KLK5: variants seen among roughly 807,000 people sequenced by gnomAD.
KLK5 encodes kallikrein-5.
KLK5 carries 18 observed loss-of-function variants against 24.0 expected under a neutral mutation model. That is an observed-to-expected ratio of 0.75 (90% CI 0.52 to 1.11). The LOEUF is 1.11. KLK5 is among the 50% of genes most tolerant of loss of function. The probability of loss-of-function intolerance (pLI) is 0.00; values close to 1 mark genes in which losing one functional copy is unlikely to be tolerated. For missense variants in KLK5, 374 were observed against 379.2 expected, an observed-to-expected ratio of 0.99 and a Z score of 0.11; for synonymous variants, 140 against 154.0, an observed-to-expected ratio of 0.91 and a Z score of 0.67.
At position 50,947,660 on chromosome 19, in the gene KLK5, AG is replaced by A. The variant is rs772190310; in HGVS notation, c.726+979del. ...ATATTCTCTTGTAAAAATACCTACCAGATTTCTCTTTTCCTTCCTCAAGATA... is the reference window on the plus strand; with the variant it reads ...ATATTCTCTTGTAAAAATACCTACCAATTTCTCTTTTCCTTCCTCAAGATA... On this transcript the variant is annotated intron_variant, in intron 5 of 5. Coordinates refer to ENST00000336334, the MANE Select transcript of KLK5 (RefSeq NM_012427.5). The surrounding 1 kb of genome is among the most constrained non-coding windows in gnomAD (Gnocchi z 8.7). Among the ~76,000 whole-genome samples the A allele has an allele frequency of 1.3e-4, 10 of 75,760 alleles. No homozygotes were observed. The highest frequency in any genetic ancestry group is 4.0e-4 in the South Asian group (1 of 2,470). The allele number at this position is 75,760 out of a possible 152,430, so 49.7% of individuals were successfully genotyped here. A position where few individuals can be genotyped will look rare whatever the true frequency, so the allele number is the denominator to read the frequency against.
chr19:50,952,431 C>T (rs187778790), intron 2 of KLK5, among the ~76,000 whole-genome samples, 154 bp downstream of exon 2: 11 of 152,252 alleles, frequency 7.2e-5, no homozygotes, highest in Admixed American at 1.3e-4. Flanking sequence ...GGGCCACATA[C>T]GATCGCACAA....
chr19:50,947,499 G>A lies in KLK5; in HGVS notation c.726+1141C>T, dbSNP rs1015410077. Among the ~76,000 whole-genome samples, 1 of 152,086 alleles carries A rather than the reference G, an allele frequency of 6.6e-6. No individual in the cohort carries two copies. Among genetic ancestry groups the A allele is most frequent in the Non-Finnish European group, 1.5e-5 (1 of 68,008 alleles). On this transcript the variant is annotated intron_variant, in intron 5 of 5. Coordinates refer to ENST00000336334, the MANE Select transcript of KLK5 (RefSeq NM_012427.5). This position sits in a 1 kb window ranked among gnomAD's most constrained non-coding sequence, Gnocchi z 8.7. The stretch of plus-strand genomic sequence containing the variant: ...TTATTGTTTACTATCCTAAAACCAT[G>A]TTTTATTTTGGGGTTAACCTTTACC...
In KLK5 at chr19:50,950,104, G is replaced by T; in HGVS notation, c.86C>A (p.Ala29Asp). ...LLLGVTEHVL[A>D]NNDVSCDHPS... ...GTGGTCACAGGAAACATCATTGTTG[G>T]CGAGAACATGCTCTGGGAACGGAAA... The change falls in exon 3 of 6, where the codon GCC (alanine) becomes GAC (aspartate). Residue 29 changes from alanine (A) to aspartate (D), a missense_variant. Physicochemically the swap from Ala to Asp is moderately radical, Grantham distance 126. Transcript: ENST00000336334. 1 of 1,609,232 alleles carries T rather than the reference G, an allele frequency of 6.2e-7. No individual in the cohort carries two copies.
chr19:50,944,667 G>T (rs2090615510), intron 5 of KLK5, among the ~76,000 whole-genome samples: 1 of 152,196 alleles, frequency 6.6e-6, no homozygotes, highest in African/African-American at 2.4e-5. Flanking sequence ...ATAATGGTTT[G>T]TTGTGGAGGC....
chr19:50,945,032 CCTTT>C (rs200606133), intron 5 of KLK5, among the ~76,000 whole-genome samples: 1,627 of 141,788 alleles, frequency 0.011, 33 homozygotes, highest in African/African-American at 0.042. Context: ...TTCCTTCCTT[CCTTT>C]CTTTCTCCTT....
intron 4 of KLK5, 35 bp downstream of exon 4, chr19:50,948,824 G>C: frequency 6.2e-7 from 1 of 1,614,076 alleles, no homozygotes; most frequent in Non-Finnish European, 8.5e-7. Context: ...AGGCGGCAGA[G>C]ATGGGTCGGT....
intron 5 of KLK5, among the ~76,000 whole-genome samples, chr19:50,946,669 C>T (rs2090638188): frequency 6.6e-6 from 1 of 151,994 alleles, no homozygotes; most frequent in Non-Finnish European, 1.5e-5. Context: ...AGGCCATTCT[C>T]CTGCCTCAGC....
In KLK5 at chr19:50,952,854, C is replaced by A. The variant is rs1410532067; in HGVS notation, c.-119G>T. ...AGATAGGAGTCTAGCAGCCTCCAGA[C>A]AGGGCAAGGAGGGGACAGAGAAAGA... On this transcript the variant is annotated 5_prime_UTR_variant, in exon 1 of 6. Transcript: ENST00000336334. 1.6e-5 allele frequency: 7 copies of A among 444,152 alleles called. No individual in the cohort carries two copies. Among genetic ancestry groups the A allele is most frequent in the Non-Finnish European group, 2.4e-5 (6 of 251,748 alleles). 27.5% of individuals were successfully genotyped at this position (444,152 alleles called of 1,614,324 possible). A position where few individuals can be genotyped will look rare whatever the true frequency, so the allele number is the denominator to read the frequency against.
Position 50,952,800 on chromosome 19 carries a change from G to A in KLK5, c.-65C>T, listed in dbSNP as rs764800339. ...AAGGACGGGCCACCATCGGCACTGC[G>A]CTGAGACCCAGGCACTATAGAATTC... On this transcript the variant is annotated 5_prime_UTR_variant, in exon 1 of 6. Coordinates refer to ENST00000336334, the MANE Select transcript of KLK5 (RefSeq NM_012427.5). 3.6e-6 allele frequency: 2 copies of A among 548,580 alleles called. No homozygotes were observed. Among genetic ancestry groups the A allele is most frequent in the Non-Finnish European group, 6.3e-6 (2 of 315,320 alleles). 34.0% of individuals were successfully genotyped at this position (548,580 alleles called of 1,614,324 possible). A position where few individuals can be genotyped will look rare whatever the true frequency, so the allele number is the denominator to read the frequency against.
At position 50,948,672 on chromosome 19, in the gene KLK5, C is replaced by T. The variant is rs772578038; in HGVS notation, c.694G>A (p.Ala232Thr). ...GAGTCTCTACCTGCTTTGTCACCGG[C>T]GCAGAACATGGTGTCATCTATCTGT... ...PRQIDDTMFC[A>T]GDKAGRDSCQ... The change falls in exon 5 of 6, where the codon GCC becomes ACC. Residue 232 changes from alanine (A) to threonine (T), a missense_variant. Transcript: ENST00000336334. 8 of 1,613,980 alleles carry T rather than the reference C, an allele frequency of 5.0e-6. No individual in the cohort carries two copies. The highest frequency in any genetic ancestry group is 1.3e-5 in the African/African-American group (1 of 74,910).
In KLK5 at chr19:50,943,797, G is replaced by T; in HGVS notation, c.727-11C>A. The T allele has an allele frequency of 6.2e-7, 1 of 1,606,598 alleles. No individual in the cohort carries two copies. Among genetic ancestry groups the T allele is most frequent in the South Asian group, 1.1e-5 (1 of 90,454 alleles). On this transcript the variant is annotated splice_polypyrimidine_tract_variant and intron_variant, in intron 5 of 5. Transcript: ENST00000336334. The stretch of plus-strand genomic sequence containing the variant: ...CCCCCCAGAATCACCCTGCAGGAGA[G>T]AAAGGGGGGCATGAGAGAGGCAGAG...
At position 50,947,804 on chromosome 19, in the gene KLK5, T is replaced by C. The variant is rs2090648868; in HGVS notation, c.726+836A>G. Among the ~76,000 whole-genome samples the C allele has an allele frequency of 6.6e-6, 1 of 152,282 alleles. No individual in the cohort carries two copies. Among genetic ancestry groups the C allele is most frequent in the African/African-American group, 2.4e-5 (1 of 41,552 alleles). On this transcript the variant is annotated intron_variant, in intron 5 of 5. Transcript: ENST00000336334. The surrounding 1 kb of genome is among the most constrained non-coding windows in gnomAD (Gnocchi z 8.7). ...CATCTGTAACACGGAGTGCCCCTAT[T>C]AGATATGGTATCTTTATGCAGTGCA...
rs930622457 is a variant in KLK5 at position 50,948,440 on chromosome 19, T to TTTA, written c.726+199_726+200insTAA. On this transcript the variant is annotated intron_variant, in intron 5 of 5. Coordinates refer to ENST00000336334, the MANE Select transcript of KLK5 (RefSeq NM_012427.5). ...GCCCAGCCTTTTTTACCTGTTTTAA[T>TTTA]GTGGCTACTAAAAAACTGGAAATGA... is the stretch of plus-strand genomic sequence containing the variant. Among the ~76,000 whole-genome samples, 7 of 152,308 alleles carry TTTA rather than the reference T, an allele frequency of 4.6e-5. No individual in the cohort carries two copies. In the Middle Eastern group the frequency reaches 0.014, roughly 296 times the overall value.
intron 5 of KLK5, among the ~76,000 whole-genome samples, chr19:50,945,668 G>A (rs1443664988): frequency 6.6e-6 from 1 of 150,932 alleles, no homozygotes; most frequent in East Asian, 2.0e-4. Flanking sequence ...GTGGGTGCCT[G>A]TTATCCCAGC....
chr19:50,948,122 GT>G (rs35017505), intron 5 of KLK5, among the ~76,000 whole-genome samples: 17,179 of 146,988 alleles, frequency 0.12, 2,774 homozygotes, highest in African/African-American at 0.37. Flanking sequence ...TTTTTTACTT[GT>G]TTTTTTTTTT....
At position 50,948,631 on chromosome 19, in the gene KLK5, T is replaced by C; in HGVS notation, c.726+9A>G. 6.2e-7 allele frequency: 1 copy of C among 1,613,904 alleles called. No individual in the cohort carries two copies. Among genetic ancestry groups the C allele is most frequent in the Non-Finnish European group, 8.5e-7 (1 of 1,179,934 alleles). On this transcript the variant is annotated intron_variant, in intron 5 of 5. Coordinates refer to ENST00000336334, the MANE Select transcript of KLK5 (RefSeq NM_012427.5). Reference sequence around the variant, plus strand: ...TGTGTATCTGCTGAATAAAGAGAGGTGTCCTCACCTGGCAGGAGTCTCTAC... The same window carrying C: ...TGTGTATCTGCTGAATAAAGAGAGGCGTCCTCACCTGGCAGGAGTCTCTAC...
At position 50,950,871 on chromosome 19, in the gene KLK5, G is replaced by A. The variant is rs369854955; in HGVS notation, c.74-755C>T. Among the ~76,000 whole-genome samples the A allele has an allele frequency of 1.0e-4, 14 of 133,988 alleles. No homozygotes were observed. In the South Asian group the frequency reaches 1.6e-3, roughly 15 times the overall value. 87.9% of individuals were successfully genotyped at this position (133,988 alleles called of 152,430 possible). A position where few individuals can be genotyped will look rare whatever the true frequency, so the allele number is the denominator to read the frequency against. On this transcript the variant is annotated intron_variant, in intron 2 of 5. Transcript: ENST00000336334. ...CACGCCACTGCACTCCAGCCTGGGAGAGAGAGCAAGACTGTCTCCAAAAAA... is the reference window on the plus strand; with the variant it reads ...CACGCCACTGCACTCCAGCCTGGGAAAGAGAGCAAGACTGTCTCCAAAAAA...
chr19:50,952,426 A>G (rs1302957579), intron 2 of KLK5, among the ~76,000 whole-genome samples, 159 bp downstream of exon 2: 1 of 152,166 alleles, frequency 6.6e-6, no homozygotes, highest in African/African-American at 2.4e-5. Flanking sequence ...TCACAGGGCC[A>G]CATACGATCG....
chr19:50,951,400 G>T (rs2090686719), intron 2 of KLK5, among the ~76,000 whole-genome samples: 1 of 152,080 alleles, frequency 6.6e-6, no homozygotes, highest in South Asian at 2.1e-4. Flanking sequence ...AGTCTCCCGA[G>T]TAGCTGGGAT....
Sources: allele counts gnomAD v4.1 joint callset (sites outside exome capture counted in the v4.1 genomes callset), GRCh38; gene constraint gnomAD v4.1.1; non-coding constraint Gnocchi (gnomAD v3.1); transcripts MANE v1.5; gene names NCBI Gene and HGNC (gene_info 2026-07-23, HGNC 2026-07-21).